The following NEK7 variants were observed in gnomAD, a reference collection of about 807,000 sequenced individuals.
The protein encoded by NEK7 is serine/threonine-protein kinase Nek7.
Under a neutral mutation model 44.6 loss-of-function variants are expected in NEK7, and 18 were observed. The observed-to-expected ratio is 0.40, with a 90% CI of 0.28 to 0.60. The LOEUF (loss-of-function observed/expected upper bound fraction) is 0.60. NEK7 is among the 20% of genes least tolerant of loss of function. NEK7 has a pLI of 0.38. For missense variants in NEK7, 256 were observed against 366.5 expected (o/e 0.70, Z 2.46); for synonymous variants, 130 against 121.1 (o/e 1.07, Z -0.48).
intron 1 of NEK7, among the ~76,000 whole-genome samples, chr1:198,212,079 A>G (rs1031160814): frequency 1.2e-4 from 18 of 152,176 alleles, no homozygotes; most frequent in Non-Finnish European, 2.4e-4. Context: ...CTCCAGTGGG[A>G]TGGGAGCGAA....
chr1:198,230,435 T>G (rs1024576262), intron 1 of NEK7, among the ~76,000 whole-genome samples: 5 of 152,038 alleles, frequency 3.3e-5, no homozygotes, highest in Non-Finnish European at 5.9e-5. Context: ...AAAAAACATG[T>G]AATCATTTCA....
At chr1:198,232,829 A>G (rs773419771) in intron 2 of NEK7, among the ~76,000 whole-genome samples, 192 bp downstream of exon 2, 3 of 149,714 alleles carry the variant, frequency 2.0e-5, no homozygotes, top group Non-Finnish European at 3.0e-5. Context: ...TTTTGGTATA[A>G]TTGTTTTAGG....
At chr1:198,212,951 A>G (rs962122439) in intron 1 of NEK7, among the ~76,000 whole-genome samples, 2 of 152,232 alleles carry the variant, frequency 1.3e-5, no homozygotes, top group African/African-American at 4.8e-5. Context: ...CACTTGCCCA[A>G]TACCTTACTG....
rs1316035827 is a variant in NEK7 at position 198,188,715 on chromosome 1, A to G, written c.-29+31439A>G. 3.3e-5 allele frequency among the ~76,000 whole-genome samples: 5 copies of G among 152,160 alleles called. No individual in the cohort carries two copies. In the South Asian group the frequency reaches 6.2e-4, roughly 19 times the overall value. On this transcript the variant is annotated intron_variant, in intron 1 of 9. Transcript: ENST00000367385. ...ATGAAACACCTAAAATATTATAAGA[A>G]TAGGTATTTTTCAAATAATGTGCAT...
chr1:198,318,179 T>C (rs542488138), intron 9 of NEK7, among the ~76,000 whole-genome samples: 2 of 152,228 alleles, frequency 1.3e-5, no homozygotes, highest in South Asian at 2.1e-4. Context: ...CCCTTATAGG[T>C]CATCCACTCC....
intron 1 of NEK7, among the ~76,000 whole-genome samples, chr1:198,174,787 T>C (rs1664559088): frequency 6.6e-6 from 1 of 152,060 alleles, no homozygotes; most frequent in African/African-American, 2.4e-5. Context: ...GGACAGGGTC[T>C]TGCTCTGTCA....
intron 1 of NEK7, among the ~76,000 whole-genome samples, chr1:198,157,486 C>A (rs1375609596): frequency 6.6e-6 from 1 of 152,138 alleles, no homozygotes; most frequent in Non-Finnish European, 1.5e-5. Context: ...GAGGGGGCGG[C>A]AGGAAACTTC....
chr1:198,305,662 C>A (rs1655004332), intron 9 of NEK7, among the ~76,000 whole-genome samples: 1 of 152,112 alleles, frequency 6.6e-6, no homozygotes, highest in Admixed American at 6.6e-5. Flanking sequence ...TCCCTCTAGT[C>A]ATAATAATCT....
intron 1 of NEK7, among the ~76,000 whole-genome samples, chr1:198,221,934 A>G (rs1666086222): frequency 6.6e-6 from 1 of 151,668 alleles, no homozygotes; most frequent in Non-Finnish European, 1.5e-5. Flanking sequence ...TATCTAGTAT[A>G]ATGTTATCTA....
chr1:198,176,372 G>A (rs1252811785), intron 1 of NEK7, among the ~76,000 whole-genome samples: 1 of 152,166 alleles, frequency 6.6e-6, no homozygotes, highest in African/African-American at 2.4e-5. Context: ...GCTGGGTTGA[G>A]TATTTCAGTA....
At chr1:198,195,830 T>A (rs938565946) in intron 1 of NEK7, among the ~76,000 whole-genome samples, 3 of 152,040 alleles carry the variant, frequency 2.0e-5, no homozygotes, top group Non-Finnish European at 2.9e-5. Context: ...CAAAAAGAAA[T>A]TTAACCCGAA....
At chr1:198,300,493 A>G (rs1449443342) in intron 9 of NEK7, among the ~76,000 whole-genome samples, 1 of 152,124 alleles carries the variant, frequency 6.6e-6, no homozygotes, top group Non-Finnish European at 1.5e-5. Flanking sequence ...CCTTTCAAAC[A>G]TAGCTTGGAC....
chr1:198,218,493 T>C (rs935547325), intron 1 of NEK7, among the ~76,000 whole-genome samples: 1 of 151,908 alleles, frequency 6.6e-6, no homozygotes. Context: ...AGAAAAACTC[T>C]TCTGGACATT....
At chr1:198,178,115 A>G (rs745323184) in intron 1 of NEK7, among the ~76,000 whole-genome samples, 4 of 152,110 alleles carry the variant, frequency 2.6e-5, no homozygotes, top group Admixed American at 6.6e-5. Flanking sequence ...GTTAAAAATA[A>G]AAAGGTAGCC....
At chr1:198,177,459 A>C (rs1342671263) in intron 1 of NEK7, among the ~76,000 whole-genome samples, 2 of 152,114 alleles carry the variant, frequency 1.3e-5, no homozygotes, top group Non-Finnish European at 2.9e-5. Flanking sequence ...TTTTATTTTC[A>C]ACGTTCAGAG....
At chr1:198,253,267 C>A in intron 3 of NEK7, 87 bp downstream of exon 3, 1 of 842,730 alleles carries the variant, frequency 1.2e-6, no homozygotes, top group South Asian at 1.9e-5. Context: ...TGATTGGGTA[C>A]TGATAGCCTT....
intron 1 of NEK7, among the ~76,000 whole-genome samples, chr1:198,216,747 T>C (rs73076999): frequency 0.028 from 4,184 of 152,008 alleles, 183 homozygotes; most frequent in African/African-American, 0.095. Context: ...AAAGTGAAAC[T>C]GGAGACAATT....
intron 1 of NEK7, among the ~76,000 whole-genome samples, chr1:198,212,022 CTA>C: frequency 6.6e-6 from 1 of 152,212 alleles, no homozygotes; most frequent in Admixed American, 6.5e-5. Flanking sequence ...AATGGGAAGT[CTA>C]TGAGAAGGAA....
At chr1:198,295,823 A>G (rs905799907) in intron 8 of NEK7, among the ~76,000 whole-genome samples, 13 of 150,260 alleles carry the variant, frequency 8.7e-5, no homozygotes, top group Admixed American at 8.6e-4. Flanking sequence ...TATTATTATT[A>G]TTATTATTAT....
Sources: gnomAD v4.1 joint callset for allele counts (sites outside exome capture counted in the v4.1 genomes callset) on GRCh38, gnomAD v4.1.1 for gene constraint, MANE v1.5 for transcripts, NCBI Gene and HGNC (gene_info 2026-07-23, HGNC 2026-07-21) for gene names.